Variants in INTS8 observed in about 807,000 individuals in gnomAD.
The protein encoded by INTS8 is integrator complex subunit 8.
In INTS8, 47 loss-of-function variants were observed where a neutral mutation model predicts 138.9. The observed-to-expected ratio is 0.34, with a 90% CI of 0.27 to 0.43. The LOEUF (loss-of-function observed/expected upper bound fraction) is 0.43, where lower values mean the gene tolerates loss of function less well. Ranked by LOEUF, INTS8 falls within the 20% of genes least tolerant of loss-of-function variation. The pLI, the probability that INTS8 is intolerant of heterozygous loss-of-function variation, is 1.00. For missense variants in INTS8, 996 were observed against 1,173.0 expected (o/e 0.85, Z 2.20); for synonymous variants, 392 against 400.9 (o/e 0.98, Z 0.27).
At chr8:94,863,788 G>A (rs1816079711) in intron 16 of INTS8, among the ~76,000 whole-genome samples, 1 of 152,242 alleles carries the variant, frequency 6.6e-6, no homozygotes, top group Admixed American at 6.5e-5. Flanking sequence ...AAGAGCTACA[G>A]TAGCCCTGGC....
intron 16 of INTS8, among the ~76,000 whole-genome samples, chr8:94,860,643 A>G (rs1815927456): frequency 6.6e-6 from 1 of 150,758 alleles, no homozygotes; most frequent in Non-Finnish European, 1.5e-5. Context: ...ATTTAACATT[A>G]TACGTCCCTG....
At chr8:94,845,190 C>T (rs989757958) in intron 10 of INTS8, among the ~76,000 whole-genome samples, 21 of 151,968 alleles carry the variant, frequency 1.4e-4, no homozygotes, top group Non-Finnish European at 2.8e-4. Context: ...CTATTATTAT[C>T]TTCTAAAAGC....
rs34822361 is a variant in INTS8 at position 94,880,866 on chromosome 8, CA to C, written c.*637del. ...AGTTTTTCACCCAAATTGTGATATA[CA>C]AAAAGGTTATTACCAAGCAACCTAC... On this transcript the variant is annotated 3_prime_UTR_variant, in exon 27 of 27. Coordinates refer to ENST00000523731, the MANE Select transcript of INTS8 (RefSeq NM_017864.4). The C allele has an allele frequency of 6.5e-5, 26 of 398,470 alleles. No homozygotes were observed. The highest frequency in any genetic ancestry group is 5.4e-4 in the African/African-American group (26 of 48,564). 24.7% of individuals were successfully genotyped at this position (398,470 alleles called of 1,614,324 possible).
chr8:94,849,542 T>A lies in INTS8; in HGVS notation c.1331+10T>A. On this transcript the variant is annotated intron_variant, in intron 11 of 26. Coordinates refer to ENST00000523731, the MANE Select transcript of INTS8 (RefSeq NM_017864.4). ...TGGCTGCTTTTCTAAAGTAAGTACC[T>A]TTCTTTTCTTTTTTCTTTTTTTTTT... 6.9e-7 allele frequency: 1 copy of A among 1,458,538 alleles called. No individual in the cohort carries two copies. 90.3% of individuals were successfully genotyped at this position (1,458,538 alleles called of 1,614,324 possible).
intron 2 of INTS8, among the ~76,000 whole-genome samples, chr8:94,826,292 T>A (rs1814497925): frequency 6.6e-6 from 1 of 152,216 alleles, no homozygotes; most frequent in Non-Finnish European, 1.5e-5. Flanking sequence ...TGAATTTTTT[T>A]TTTTTTTGAG....
intron 2 of INTS8, among the ~76,000 whole-genome samples, chr8:94,826,304 C>T (rs535621329): frequency 1.3e-5 from 2 of 150,512 alleles, no homozygotes; most frequent in African/African-American, 4.9e-5. Context: ...TTTTTTGAGA[C>T]GGAGTCTCGC....
At position 94,823,326 on chromosome 8, in the gene INTS8, G is replaced by T; in HGVS notation, c.-106G>T. On this transcript the variant is annotated 5_prime_UTR_variant, in exon 1 of 27. Transcript: ENST00000523731. The stretch of plus-strand genomic sequence containing the variant: ...TGTGAGTTTCCGGGACGTTCGGAGG[G>T]TGGCCTCTCTCCCACCGGGTTCCGC... The T allele has an allele frequency of 6.6e-7, 1 of 1,516,764 alleles. No individual in the cohort carries two copies. The highest frequency in any genetic ancestry group is 8.8e-7 in the Non-Finnish European group (1 of 1,136,600). 94.0% of individuals were successfully genotyped at this position (1,516,764 alleles called of 1,614,324 possible).
chr8:94,874,247 G>A (rs1045476556), intron 22 of INTS8, among the ~76,000 whole-genome samples: 2 of 148,378 alleles, frequency 1.3e-5, no homozygotes, highest in African/African-American at 5.0e-5. Context: ...AATTTTGTCC[G>A]TTTTTTTTTT....
At chr8:94,833,557 G>T (rs1051463079) in intron 6 of INTS8, among the ~76,000 whole-genome samples, 1 of 151,992 alleles carries the variant, frequency 6.6e-6, no homozygotes, top group Non-Finnish European at 1.5e-5. Flanking sequence ...TTACTGGTAT[G>T]TAGTATCTCA....
chr8:94,842,172 C>A (rs1307058014), intron 9 of INTS8, among the ~76,000 whole-genome samples, 175 bp from the exon 10 acceptor site: 1 of 151,846 alleles, frequency 6.6e-6, no homozygotes, highest in Non-Finnish European at 1.5e-5. Flanking sequence ...AAATTCAAAA[C>A]CTATTCTGCT....
intron 6 of INTS8, among the ~76,000 whole-genome samples, chr8:94,834,362 GGTGTGTGTGTGTGTGT>G (rs35147334): frequency 6.2e-5 from 9 of 144,464 alleles, no homozygotes; most frequent in Admixed American, 1.4e-4. Flanking sequence ...TATGTGCATG[GGTGTGTGTGTGTGTGT>G]GTGTGTGTGT....
In INTS8 at chr8:94,823,368, C is replaced by T. The variant is rs1217874224; in HGVS notation, c.-64C>T. On this transcript the variant is annotated 5_prime_UTR_variant, in exon 1 of 27. Transcript: ENST00000523731. Reference sequence around the variant, plus strand: ...GGGTTCCGCATACCCCAGGCACCGGCCCGCATCCAAGTGTCAGGTTGGAGC... The same window carrying T: ...GGGTTCCGCATACCCCAGGCACCGGTCCGCATCCAAGTGTCAGGTTGGAGC... The T allele has an allele frequency of 1.1e-5, 17 of 1,503,254 alleles. No homozygotes were observed. The Admixed American group carries it at 3.6e-4, about 32-fold the overall frequency. 93.1% of individuals were successfully genotyped at this position (1,503,254 alleles called of 1,614,324 possible).
intron 15 of INTS8, 40 bp downstream of exon 15, chr8:94,857,018 A>C: frequency 1.4e-6 from 2 of 1,443,416 alleles, no homozygotes; most frequent in Non-Finnish European, 1.9e-6. Flanking sequence ...GAAACTCAGT[A>C]CTCACATAAT....
At chr8:94,837,865 T>TA (rs1419656258) in intron 7 of INTS8, among the ~76,000 whole-genome samples, 1 of 152,114 alleles carries the variant, frequency 6.6e-6, no homozygotes, top group Non-Finnish European at 1.5e-5. Context: ...TGCATATTCT[T>TA]ACCATTTTTT....
intron 22 of INTS8, 105 bp from the exon 23 acceptor site, chr8:94,874,447 C>T: frequency 1.4e-6 from 1 of 699,814 alleles, no homozygotes; most frequent in Non-Finnish European, 2.6e-6. Flanking sequence ...ATCCCCCGTT[C>T]CTCCACACAC....
At chr8:94,837,696 CTGTT>C (rs1814977155) in intron 7 of INTS8, among the ~76,000 whole-genome samples, 1 of 151,982 alleles carries the variant, frequency 6.6e-6, no homozygotes, top group African/African-American at 2.4e-5. Flanking sequence ...AATTTTAACA[CTGTT>C]TGCTCTTTGT....
At chr8:94,877,791 A>C (rs1295289891) in intron 26 of INTS8, among the ~76,000 whole-genome samples, 1 of 152,322 alleles carries the variant, frequency 6.6e-6, no homozygotes, top group East Asian at 1.9e-4. Context: ...CTCTCTGCCC[A>C]TAACCTATCC....
chr8:94,829,254 T>G (rs1814623087), intron 5 of INTS8, among the ~76,000 whole-genome samples: 1 of 151,948 alleles, frequency 6.6e-6, no homozygotes, highest in African/African-American at 2.4e-5. Flanking sequence ...TGGAAATAAT[T>G]ATCCAACTCA....
chr8:94,851,656 A>G lies in INTS8; in HGVS notation c.1611A>G (p.Ser537=). ...TAATTGAATTACATGGTATGACTTC[A>G]GAGCGCCAGTTCTGGACAGTGTCTA... is the stretch of plus-strand genomic sequence containing the variant. ...QILIELHGMT[S]ERQFWTVSNK... The change falls in exon 13 of 27, where the codon TCA becomes TCG. Residue 537 remains serine (S), a synonymous_variant. Coordinates refer to ENST00000523731, the MANE Select transcript of INTS8 (RefSeq NM_017864.4). 3 of 1,603,472 alleles carry G rather than the reference A, an allele frequency of 1.9e-6. No homozygotes were observed. Among genetic ancestry groups the G allele is most frequent in the Non-Finnish European group, 2.5e-6 (3 of 1,176,490 alleles).
Sources: gnomAD v4.1 joint callset for allele counts (sites outside exome capture counted in the v4.1 genomes callset) on GRCh38, gnomAD v4.1.1 for gene constraint, MANE v1.5 for transcripts, NCBI Gene and HGNC (gene_info 2026-07-23, HGNC 2026-07-21) for gene names.